FHIP2B: variants seen among roughly 807,000 people sequenced by gnomAD.
FHIP2B encodes the protein FHF complex subunit HOOK interacting protein 2B.
A neutral mutation model predicts 84.0 loss-of-function variants in FHIP2B; 72 were observed. The observed-to-expected ratio is 0.86, with a 90% CI of 0.71 to 1.04. The LOEUF (loss-of-function observed/expected upper bound fraction) is 1.04, where lower values mean the gene tolerates loss of function less well. Among genes scored for constraint, FHIP2B ranks in the 50% least tolerant of loss-of-function variants. FHIP2B has a pLI of 0.00. For synonymous variants in FHIP2B, 497 were observed against 418.7 expected, an observed-to-expected ratio of 1.19 and a Z score of -2.28; for missense variants, 972 against 968.9, an observed-to-expected ratio of 1.00 and a Z score of -0.04.
intron 9 of FHIP2B, 38 bp from the exon 10 acceptor site, chr8:22,099,666 C>A (rs781074250): frequency 2.6e-6 from 4 of 1,535,114 alleles, no homozygotes; most frequent in East Asian, 2.3e-5. Context: ...GTGCTGTCTG[C>A]ACACACCGGG....
chr8:22,097,422 C>T (rs1825831953), intron 3 of FHIP2B, 94 bp from the exon 4 acceptor site: 2 of 890,202 alleles, frequency 2.2e-6, no homozygotes, highest in East Asian at 5.4e-5. Flanking sequence ...GGGGACACGG[C>T]TCTGACAGGC....
chr8:22,089,973 C>A, intron 1 of FHIP2B: 1 of 555,864 alleles, frequency 1.8e-6, no homozygotes, highest in Non-Finnish European at 2.8e-6. Context: ...GGACATGCCG[C>A]CCGTGGTGGG....
At chr8:22,092,520 G>A (rs909682856) in intron 1 of FHIP2B, among the ~76,000 whole-genome samples, 18 of 150,202 alleles carry the variant, frequency 1.2e-4, no homozygotes, top group Middle Eastern at 3.4e-3. Flanking sequence ...GTTACAGTGA[G>A]CTGAGATGGT....
intron 1 of FHIP2B, among the ~76,000 whole-genome samples, chr8:22,091,279 T>C (rs972836333): frequency 1.4e-5 from 2 of 138,502 alleles, no homozygotes. Context: ...TAAGATGGAG[T>C]CTTCCACTGT....
In FHIP2B at chr8:22,103,033, G is replaced by C; in HGVS notation, c.*102G>C. ...ACTCCCCTCCTGGGATGGGGCTTCT[G>C]CTCCCGGGCTCACTCAAGGAGACTG... On this transcript the variant is annotated 3_prime_UTR_variant, in exon 17 of 17. Transcript: ENST00000289921. The C allele has an allele frequency of 7.1e-7, 1 of 1,415,188 alleles. No homozygotes were observed. Among genetic ancestry groups the C allele is most frequent in the Non-Finnish European group, 9.4e-7 (1 of 1,058,272 alleles). 87.7% of individuals were successfully genotyped at this position (1,415,188 alleles called of 1,614,324 possible).
At chr8:22,098,700 G>A in intron 7 of FHIP2B, 81 bp downstream of exon 7, 1 of 1,398,566 alleles carries the variant, frequency 7.2e-7, no homozygotes, top group Non-Finnish European at 9.6e-7. Flanking sequence ...AGCTCCCCTG[G>A]GGTTCCACGT....
rs1360131387 is a variant in FHIP2B at position 22,091,587 on chromosome 8, CT to C, written c.45+2292del. On this transcript the variant is annotated intron_variant, in intron 1 of 16. Transcript: ENST00000289921. Reference sequence around the variant, plus strand: ...AAAGAGAAATTGTTGGGTCTAGTGCCTTTGGTTTGGAGTTATCATAGCTGGT... The same window carrying C: ...AAAGAGAAATTGTTGGGTCTAGTGCCTTGGTTTGGAGTTATCATAGCTGGT... Among the ~76,000 whole-genome samples, 19 of 152,278 alleles carry C rather than the reference CT, an allele frequency of 1.2e-4. No individual in the cohort carries two copies. The South Asian group carries it at 3.9e-3, about 32-fold the overall frequency.
At chr8:22,096,656 C>T in intron 3 of FHIP2B, 147 bp downstream of exon 3, 2 of 1,162,920 alleles carry the variant, frequency 1.7e-6, no homozygotes, top group Non-Finnish European at 2.3e-6. Flanking sequence ...GGGCGGTGGG[C>T]AGTGGGCAGC....
chr8:22,099,644 A>C, intron 9 of FHIP2B, 60 bp from the exon 10 acceptor site: 84 of 1,500,170 alleles, frequency 5.6e-5, no homozygotes, highest in Non-Finnish European at 6.7e-5. Flanking sequence ...GGGTTCGGCC[A>C]CCCGCACTCA....
Position 22,099,356 on chromosome 8 carries a change from C to CACT in FHIP2B, c.1149_1150insTAC (p.His383_Val384insTyr). 6.2e-7 allele frequency: 1 copy of CACT among 1,613,298 alleles called. No individual in the cohort carries two copies. Among genetic ancestry groups the CACT allele is most frequent in the Non-Finnish European group, 8.5e-7 (1 of 1,179,602 alleles). ...GGAGACCCTGCAGCCCCAGCTCCTG[C>CACT]ACGTGTAAGTGTCTAGTTCCCTCAG... On this transcript the variant is annotated inframe_insertion, in exon 9 of 17. Coordinates refer to ENST00000289921, the MANE Select transcript of FHIP2B (RefSeq NM_022749.7).
intron 1 of FHIP2B, chr8:22,089,839 C>T (rs1357150656): frequency 1.6e-6 from 2 of 1,284,114 alleles, no homozygotes; most frequent in African/African-American, 1.5e-5. Context: ...CCTGCCGGTC[C>T]AAGTCCCCAC....
At chr8:22,100,420 C>G in intron 10 of FHIP2B, 174 bp from the exon 11 acceptor site, 1 of 596,068 alleles carries the variant, frequency 1.7e-6, no homozygotes, top group Non-Finnish European at 2.6e-6. Flanking sequence ...ACCCAGACTT[C>G]TGGATTCCTA....
chr8:22,099,364 A>AGT lies in FHIP2B; in HGVS notation c.1151+7_1151+8dup. 1 of 1,613,038 alleles carries AGT rather than the reference A, an allele frequency of 6.2e-7. No individual in the cohort carries two copies. The highest frequency in any genetic ancestry group is 8.5e-7 in the Non-Finnish European group (1 of 1,179,476). On this transcript the variant is annotated splice_donor_region_variant and intron_variant, in intron 9 of 16. Coordinates refer to ENST00000289921, the MANE Select transcript of FHIP2B (RefSeq NM_022749.7). The stretch of plus-strand genomic sequence containing the variant: ...TGCAGCCCCAGCTCCTGCACGTGTA[A>AGT]GTGTCTAGTTCCCTCAGGCATGACT...
rs767223942 is a variant in FHIP2B at position 22,102,826 on chromosome 8, G to C, written c.2127G>C (p.Val709=). 1.2e-6 allele frequency: 2 copies of C among 1,613,666 alleles called. No homozygotes were observed. The highest frequency in any genetic ancestry group is 2.2e-5 in the South Asian group (2 of 91,078). The change falls in exon 17 of 17, where the codon GTG becomes GTC. Residue 709 remains valine (V), a synonymous_variant. Transcript: ENST00000289921. ...LDHQTLLQGV[V]VLEEFCKELA... is the part of the protein sequence containing the mutation. ...ACCAGACCCTCCTCCAGGGCGTGGTGGTGCTGGAGGAGTTCTGCAAGGAGC... is the reference window on the plus strand; with the variant it reads ...ACCAGACCCTCCTCCAGGGCGTGGTCGTGCTGGAGGAGTTCTGCAAGGAGC...
Position 22,097,849 on chromosome 8 carries a change from C to CTG in FHIP2B, c.525+11_525+12dup. On this transcript the variant is annotated intron_variant, in intron 5 of 16. Coordinates refer to ENST00000289921, the MANE Select transcript of FHIP2B (RefSeq NM_022749.7). Reference sequence around the variant, plus strand: ...CGCCTACATCCTGGAAGTGAGCACTCTGATCGGGAACAGGAGGGGGAGGGC... The same window carrying CTG: ...CGCCTACATCCTGGAAGTGAGCACTCTGTGATCGGGAACAGGAGGGGGAGGGC... 6.2e-7 allele frequency: 1 copy of CTG among 1,611,590 alleles called. No homozygotes were observed. Among genetic ancestry groups the CTG allele is most frequent in the African/African-American group, 1.3e-5 (1 of 75,028 alleles).
chr8:22,089,753 T>C, intron 1 of FHIP2B: 3 of 1,265,688 alleles, frequency 2.4e-6, no homozygotes, highest in Non-Finnish European at 3.1e-6. Flanking sequence ...CTCGGTCTGA[T>C]CTCCCAGACA....
intron 2 of FHIP2B, chr8:22,094,824 A>G (rs1825679551): frequency 8.3e-7 from 1 of 1,210,308 alleles, no homozygotes. Flanking sequence ...CACTTCCCCC[A>G]GCTTCCAGCT....
rs753827953 is a variant in FHIP2B, at chr8:22,099,780, C to T, written c.1228C>T (p.Arg410Trp). 6.2e-6 allele frequency: 10 copies of T among 1,612,230 alleles called. No homozygotes were observed. Among genetic ancestry groups the T allele is most frequent in the South Asian group, 1.1e-5 (1 of 90,970 alleles). Residue 410 changes from arginine (R) to tryptophan (W), a missense_variant, in exon 10 of 17, where the codon CGG (arginine) becomes TGG (tryptophan). Transcript: ENST00000289921. ...CCAGCTTCGCTCCCCTGCGCTGCTG[C>T]GGGAGGCCGTGGCTTTCCTCCTGGG... ...LRQLRSPALL[R>W]EAVAFLLGTD...
At chr8:22,089,788 G>C (rs1445876946) in intron 1 of FHIP2B, 19 of 1,286,242 alleles carry the variant, frequency 1.5e-5, no homozygotes, top group Non-Finnish European at 1.8e-5. Flanking sequence ...TTGGGGTGCA[G>C]GACGCCCTTC....
Sources: gnomAD v4.1 joint callset for allele counts (sites outside exome capture counted in the v4.1 genomes callset) on GRCh38, gnomAD v4.1.1 for gene constraint, MANE v1.5 for transcripts, NCBI Gene and HGNC (gene_info 2026-07-23, HGNC 2026-07-21) for gene names.